Variants in CFAP58 observed in about 807,000 individuals in gnomAD.
CFAP58 encodes cilia- and flagella-associated protein 58.
CFAP58 carries 88 observed loss-of-function variants against 119.5 expected under a neutral mutation model. The observed-to-expected ratio is 0.74, with a 90% CI of 0.62 to 0.88. The LOEUF (loss-of-function observed/expected upper bound fraction) is 0.88. CFAP58 is among the 40% of genes least tolerant of loss of function. CFAP58 has a pLI of 0.00. For synonymous variants in CFAP58, 365 were observed against 366.3 expected, an observed-to-expected ratio of 1.00 and a Z score of 0.04; for missense variants, 990 against 1,021.2, an observed-to-expected ratio of 0.97 and a Z score of 0.42.
intron 1 of CFAP58, among the ~76,000 whole-genome samples, chr10:104,357,875 A>G (rs1234857390): frequency 1.7e-5 from 2 of 115,324 alleles, no homozygotes; most frequent in African/African-American, 6.8e-5. Context: ...ATACACATAT[A>G]TGTACACATA....
Position 104,368,510 on chromosome 10 carries a change from G to T in CFAP58, c.880G>T (p.Val294Phe). The T allele has an allele frequency of 4.3e-6, 7 of 1,614,002 alleles. No homozygotes were observed. The highest frequency in any genetic ancestry group is 5.1e-6 in the Non-Finnish European group (6 of 1,179,918). The change falls in exon 6 of 18, where the codon GTC becomes TTC. Residue 294 changes from valine (V) to phenylalanine (F), a missense_variant. Transcript: ENST00000369704. ...LQQENEQHSL[V>F]CEQLSQENQQ... ...GCAAGAGAATGAACAGCACAGTTTG[G>T]TCTGTGAGCAGCTATCCCAGGAAAA...
rs943553786 is a variant in CFAP58, at chr10:104,380,298, C to G, written c.1365+78C>G. 5 of 1,277,976 alleles carry G rather than the reference C, an allele frequency of 3.9e-6. No individual in the cohort carries two copies. In the African/African-American group the frequency reaches 7.4e-5, roughly 19 times the overall value. The allele number at this position is 1,277,976 out of a possible 1,614,324, so 79.2% of individuals were successfully genotyped here. ...CATTTCTGATGGTCACAAACTGTTGCAAAGAGAATTTATTCAGATTTCTGT... is the reference window on the plus strand; with the variant it reads ...CATTTCTGATGGTCACAAACTGTTGGAAAGAGAATTTATTCAGATTTCTGT... On this transcript the variant is annotated intron_variant, in intron 9 of 17. Transcript: ENST00000369704.
At chr10:104,356,025 C>T (rs1005175584) in intron 1 of CFAP58, among the ~76,000 whole-genome samples, 4 of 152,194 alleles carry the variant, frequency 2.6e-5, no homozygotes, top group African/African-American at 9.7e-5. Flanking sequence ...TGTTTAGCAT[C>T]AACAAGGGAG....
At chr10:104,422,287 T>C (rs1363303166) in intron 15 of CFAP58, among the ~76,000 whole-genome samples, 1 of 152,214 alleles carries the variant, frequency 6.6e-6, no homozygotes, top group Non-Finnish European at 1.5e-5. Flanking sequence ...GTGAACTCCC[T>C]TTCAGGAGTA....
At chr10:104,338,665 A>C in the CFAP58 span, among the ~76,000 whole-genome samples, 1 of 151,646 alleles carries the variant, frequency 6.6e-6, no homozygotes, top group Admixed American at 6.6e-5. Flanking sequence ...GAATCAGGCC[A>C]GTGGAGTAAA....
intron 15 of CFAP58, among the ~76,000 whole-genome samples, chr10:104,425,410 T>TTA (rs1015744356): frequency 1.3e-5 from 2 of 152,208 alleles, no homozygotes; most frequent in African/African-American, 4.8e-5. Context: ...GTGGGACCAA[T>TTA]TATATGTCTT....
At chr10:104,355,855 CCTT>C (rs1290848682) in intron 1 of CFAP58, among the ~76,000 whole-genome samples, 3 of 152,178 alleles carry the variant, frequency 2.0e-5, no homozygotes, top group African/African-American at 7.2e-5. Flanking sequence ...TAAAACTTTT[CCTT>C]CTTTGGTATT....
chr10:104,345,521 A>G, the CFAP58 span, among the ~76,000 whole-genome samples: 2 of 152,104 alleles, frequency 1.3e-5, no homozygotes, highest in Non-Finnish European at 1.5e-5. Flanking sequence ...AGTTAATTGT[A>G]TCTTGCATTC....
chr10:104,454,085 T>A (rs1403033580), intron 17 of CFAP58, among the ~76,000 whole-genome samples: 2 of 152,180 alleles, frequency 1.3e-5, no homozygotes, highest in African/African-American at 4.8e-5. Flanking sequence ...AAGAAAAAGA[T>A]TCTTCTGACT....
In CFAP58 at chr10:104,370,946, A is replaced by C; in HGVS notation, c.982A>C (p.Lys328Gln). The change falls in exon 7 of 18, where the codon AAA (lysine) becomes CAA (glutamine). Residue 328 changes from lysine to glutamine, a missense_variant. By Grantham distance (53) the Lys-to-Gln change is moderately conservative. Transcript: ENST00000369704. ...QMRLDIGKLN[K>Q]IREQIHKKLH... is the part of the protein sequence containing the mutation. Reference sequence around the variant, plus strand: ...GCGCCTTGACATCGGGAAGCTCAACAAAATCAGAGAACAAATTCATAAGAA... The same window carrying C: ...GCGCCTTGACATCGGGAAGCTCAACCAAATCAGAGAACAAATTCATAAGAA... 1.9e-6 allele frequency: 3 copies of C among 1,613,860 alleles called. No homozygotes were observed. The highest frequency in any genetic ancestry group is 2.5e-6 in the Non-Finnish European group (3 of 1,179,950).
rs74233861 is a variant in CFAP58 at position 104,392,400 on chromosome 10, T to C, written c.1527+6T>C. 1 of 1,557,128 alleles carries C rather than the reference T, an allele frequency of 6.4e-7. No homozygotes were observed. The highest frequency in any genetic ancestry group is 1.2e-5 in the South Asian group (1 of 83,882). On this transcript the variant is annotated splice_donor_region_variant and intron_variant, in intron 10 of 17. Transcript: ENST00000369704. Reference sequence around the variant, plus strand: ...AAAATCTGGTTGAGGCTCAGGTAAATAATATATTTATATCCTTACATTTTG... The same window carrying C: ...AAAATCTGGTTGAGGCTCAGGTAAACAATATATTTATATCCTTACATTTTG...
chr10:104,428,860 G>C (rs2133076471), intron 15 of CFAP58, among the ~76,000 whole-genome samples: 1 of 152,314 alleles, frequency 6.6e-6, no homozygotes, highest in African/African-American at 2.4e-5. Flanking sequence ...GGTATCTTCT[G>C]TCTGCTTAGA....
intron 15 of CFAP58, among the ~76,000 whole-genome samples, chr10:104,424,967 T>A (rs2012719611): frequency 1.3e-5 from 2 of 152,084 alleles, no homozygotes; most frequent in Non-Finnish European, 2.9e-5. Flanking sequence ...CTATTTTGAG[T>A]CCTGGTCTTA....
At chr10:104,434,793 C>T (rs530719530) in intron 15 of CFAP58, among the ~76,000 whole-genome samples, 11 of 152,292 alleles carry the variant, frequency 7.2e-5, no homozygotes, top group Middle Eastern at 3.4e-3. Context: ...GCTCTTATCA[C>T]AACATCCTGT....
intron 9 of CFAP58, among the ~76,000 whole-genome samples, chr10:104,388,353 C>T (rs2011966376): frequency 2.0e-5 from 3 of 152,140 alleles, no homozygotes; most frequent in Admixed American, 2.0e-4. Context: ...CTGGCGTAGA[C>T]ATATATTCTC....
intron 17 of CFAP58, among the ~76,000 whole-genome samples, 165 bp from the exon 18 acceptor site, chr10:104,454,256 TG>T (rs1466635507): frequency 4.6e-5 from 7 of 152,218 alleles, no homozygotes; most frequent in African/African-American, 1.7e-4. Context: ...CCTAATTTTA[TG>T]TTTTTTTCAG....
rs2133073989 is a variant in CFAP58, at chr10:104,426,625, T to A, written c.2256+19832T>A. 2.0e-5 allele frequency among the ~76,000 whole-genome samples: 3 copies of A among 152,312 alleles called. 1 individual carries two copies. The South Asian group carries it at 6.2e-4, about 32-fold the overall frequency. On this transcript the variant is annotated intron_variant, in intron 15 of 17. Transcript: ENST00000369704. ...TTTATTTTTTAAATCACAGGAAAAC[T>A]AGAGACTCCAGTAATCCTTTCGTTC... is the stretch of plus-strand genomic sequence containing the variant.
rs553848857 is a variant in CFAP58 at position 104,357,920 on chromosome 10, T to C, written c.10-421T>C. ...ATATGTACACATATACACACATATA[T>C]GTACACATATACACACATATATGTA... On this transcript the variant is annotated intron_variant, in intron 1 of 17. Coordinates refer to ENST00000369704, the MANE Select transcript of CFAP58 (RefSeq NM_001008723.2). Among the ~76,000 whole-genome samples, 6 of 117,868 alleles carry C rather than the reference T, an allele frequency of 5.1e-5. No homozygotes were observed. In the East Asian group the frequency reaches 8.6e-4, roughly 17 times the overall value. 77.3% of individuals were successfully genotyped at this position (117,868 alleles called of 152,430 possible). A position where few individuals can be genotyped will look rare whatever the true frequency, so the allele number is the denominator to read the frequency against.
At chr10:104,439,997 C>A (rs904689697) in intron 15 of CFAP58, among the ~76,000 whole-genome samples, 1 of 151,964 alleles carries the variant, frequency 6.6e-6, no homozygotes, top group Non-Finnish European at 1.5e-5. Flanking sequence ...TTTTTTGTAT[C>A]TTTTTTAGTA....
Sources: allele counts gnomAD v4.1 joint callset (sites outside exome capture counted in the v4.1 genomes callset), GRCh38; gene constraint gnomAD v4.1.1; transcripts MANE v1.5; gene names NCBI Gene and HGNC (gene_info 2026-07-23, HGNC 2026-07-21).